TMEM127: variants seen among roughly 807,000 people sequenced by gnomAD.
The protein encoded by TMEM127 is transmembrane protein 127.
A neutral mutation model predicts 20.1 loss-of-function variants in TMEM127; 21 were observed. The ratio of observed to expected loss-of-function variants is 1.04; its 90% CI spans 0.74 to 1.50. The LOEUF is 1.50. Ranked by LOEUF, TMEM127 falls within the 40% of genes most tolerant of loss-of-function variation. The pLI, the probability that TMEM127 is intolerant of heterozygous loss-of-function variation, is 0.00. For missense variants in TMEM127, 303 were observed against 317.4 expected (o/e 0.95, Z 0.34); for synonymous variants, 150 against 144.7 (o/e 1.04, Z -0.26).
intron 2 of TMEM127, among the ~76,000 whole-genome samples, chr2:96,258,831 T>G (rs549882028): frequency 2.0e-5 from 3 of 152,278 alleles, no homozygotes; most frequent in Admixed American, 1.3e-4. Context: ...TTATAGTGCT[T>G]CCAAGAATAA....
At chr2:96,258,921 G>T (rs1684261397) in intron 2 of TMEM127, among the ~76,000 whole-genome samples, 1 of 152,152 alleles carries the variant, frequency 6.6e-6, no homozygotes, top group African/African-American at 2.4e-5. Context: ...GGCAGTTGGA[G>T]TAAGAAAAGT....
chr2:96,254,527 C>T (rs1048042005), intron 3 of TMEM127, among the ~76,000 whole-genome samples: 1 of 152,164 alleles, frequency 6.6e-6, no homozygotes, highest in Non-Finnish European at 1.5e-5. Context: ...CTGCCTGGTT[C>T]CTTCTTCACT....
chr2:96,264,416 A>T (rs1353625525), intron 2 of TMEM127, among the ~76,000 whole-genome samples: 3 of 152,240 alleles, frequency 2.0e-5, no homozygotes, highest in African/African-American at 4.8e-5. Context: ...TGTTTGGGGT[A>T]CATTGATCAT....
chr2:96,254,757 C>A (rs761623490), intron 3 of TMEM127, 76 bp downstream of exon 3: 15 of 1,585,586 alleles, frequency 9.5e-6, no homozygotes, highest in Non-Finnish European at 1.3e-5. Flanking sequence ...AAACCAGAGC[C>A]CCCACCGGCA....
rs2104284850 is a variant in TMEM127 at position 96,254,033 on chromosome 2, G to A, written c.492C>T (p.Tyr164=). The A allele has an allele frequency of 1.2e-6, 2 of 1,614,130 alleles. No homozygotes were observed. Among genetic ancestry groups the A allele is most frequent in the Non-Finnish European group, 1.7e-6 (2 of 1,180,020 alleles). ...ILAQQQQHKK[Y]HGSQVYVTFA... is the part of the protein sequence containing the mutation. ...AGGTGACATAGACCTGGGATCCATG[G>A]TACTTCTTATGCTGCTGCTGCTGGG... is the stretch of plus-strand genomic sequence containing the variant. Residue 164 remains tyrosine (Y), a synonymous_variant, in exon 4 of 4, where the codon TAC becomes TAT. Transcript: ENST00000258439.
intron 2 of TMEM127, 144 bp from the exon 3 acceptor site, chr2:96,255,141 G>T: frequency 8.5e-7 from 1 of 1,182,656 alleles, no homozygotes; most frequent in Non-Finnish European, 1.2e-6. Context: ...CCTGCTCCTG[G>T]GTGGTCTGCA....
At chr2:96,263,861 T>C (rs1157486713) in intron 2 of TMEM127, among the ~76,000 whole-genome samples, 1 of 152,076 alleles carries the variant, frequency 6.6e-6, no homozygotes, top group Admixed American at 6.5e-5. Flanking sequence ...TACAGGGCAA[T>C]GTGCTAAAAG....
chr2:96,254,789 C>A, intron 3 of TMEM127, 44 bp downstream of exon 3: 1 of 1,612,814 alleles, frequency 6.2e-7, no homozygotes, highest in Non-Finnish European at 8.5e-7. Context: ...ATGCCCCCAC[C>A]CTGTAGCAGT....
intron 2 of TMEM127, 137 bp downstream of exon 2, chr2:96,265,001 C>A (rs143229801): frequency 1.4e-6 from 2 of 1,421,528 alleles, no homozygotes; most frequent in Non-Finnish European, 1.9e-6. Context: ...AACAGAGCCA[C>A]CTGGTGGGCA....
rs1037278383 is a variant in TMEM127 at position 96,265,150 on chromosome 2, C to G, written c.232G>C (p.Asp78His). 1 of 1,611,986 alleles carries G rather than the reference C, an allele frequency of 6.2e-7. No individual in the cohort carries two copies. The highest frequency in any genetic ancestry group is 8.5e-7 in the Non-Finnish European group (1 of 1,179,716). The change falls in exon 2 of 4, where the codon GAC (aspartate) becomes CAC (histidine). Residue 78 changes from aspartate to histidine, a missense_variant. Physicochemically the swap from Asp to His is moderately conservative, Grantham distance 81 (BLOSUM62 -1). Coordinates refer to ENST00000258439, the MANE Select transcript of TMEM127 (RefSeq NM_017849.4). Reference sequence around the variant, plus strand: ...GCAGCACCCTCACCTTTCAGCAGGTCCGGGTGCACATAGCCCAACACGTCG... The same window carrying G: ...GCAGCACCCTCACCTTTCAGCAGGTGCGGGTGCACATAGCCCAACACGTCG... ...VSDVLGYVHP[D>H]LLKDFCMNPQ...
In TMEM127 at chr2:96,250,768, T is replaced by G. The variant is rs1316883156; in HGVS notation, c.*3040A>C. ...GGCCTGGCACTGCCCTACAGGAGGC[T>G]TACAGGTCACACTCCCAGAACTGTC... On this transcript the variant is annotated 3_prime_UTR_variant, in exon 4 of 4. Coordinates refer to ENST00000258439, the MANE Select transcript of TMEM127 (RefSeq NM_017849.4). The G allele has an allele frequency of 4.3e-6, 1 of 232,718 alleles. No homozygotes were observed. The highest frequency in any genetic ancestry group is 2.2e-5 in the African/African-American group (1 of 45,270). 14.4% of individuals were successfully genotyped at this position (232,718 alleles called of 1,614,324 possible).
intron 2 of TMEM127, among the ~76,000 whole-genome samples, chr2:96,263,184 A>C (rs1305724918): frequency 6.6e-6 from 1 of 151,170 alleles, no homozygotes; most frequent in Non-Finnish European, 1.5e-5. Context: ...CCTTCAGAGT[A>C]TCTGGGACTA....
At chr2:96,263,772 T>C (rs1323779230) in intron 2 of TMEM127, among the ~76,000 whole-genome samples, 1 of 152,170 alleles carries the variant, frequency 6.6e-6, no homozygotes, top group African/African-American at 2.4e-5. Context: ...CATGCAGTGC[T>C]AGATTTCGGA....
intron 2 of TMEM127, among the ~76,000 whole-genome samples, chr2:96,257,144 G>C (rs1225159623): frequency 6.6e-6 from 1 of 152,166 alleles, no homozygotes; most frequent in Non-Finnish European, 1.5e-5. Flanking sequence ...CAGTACTTTA[G>C]CCATTCTTTA....
At chr2:96,255,163 G>A (rs1254233578) in intron 2 of TMEM127, among the ~76,000 whole-genome samples, 166 bp from the exon 3 acceptor site, 1 of 152,228 alleles carries the variant, frequency 6.6e-6, no homozygotes, top group Admixed American at 6.5e-5. Flanking sequence ...GGTAGCTGGA[G>A]CAAATTCCAC....
rs1684151782 is a variant in TMEM127, at chr2:96,254,073, G to C, written c.452C>G (p.Ser151Cys). 1 of 1,614,164 alleles carries C rather than the reference G, an allele frequency of 6.2e-7. No individual in the cohort carries two copies. Among genetic ancestry groups the C allele is most frequent in the East Asian group, 2.2e-5 (1 of 44,886 alleles). ...CTGCTGCTGGGCCAAGATGAGTTCA[G>C]AAGCCCAATAAGAAAAGCCAATGAC... is the stretch of plus-strand genomic sequence containing the variant. The part of the protein sequence containing the change: ...ATVIGFSYWA[S>C]ELILAQQQQH... The change falls in exon 4 of 4, where the codon TCT becomes TGT. Residue 151 changes from serine (S) to cysteine (C), a missense_variant. Transcript: ENST00000258439.
chr2:96,254,904 A>G lies in TMEM127; in HGVS notation c.338T>C (p.Leu113Pro). ...GILCSLSAFL[L>P]DVFGPKHPAL... ...AGGATGCTTCGGCCCAAAGACATCCAGAAGGAAAGCGGAGAGACTACACAG... is the reference window on the plus strand; with the variant it reads ...AGGATGCTTCGGCCCAAAGACATCCGGAAGGAAAGCGGAGAGACTACACAG... Residue 113 changes from leucine to proline, a missense_variant, in exon 3 of 4, where the codon CTG becomes CCG. Transcript: ENST00000258439. The G allele has an allele frequency of 6.2e-7, 1 of 1,614,140 alleles. No homozygotes were observed. The highest frequency in any genetic ancestry group is 8.5e-7 in the Non-Finnish European group (1 of 1,179,996).
rs886056445 is a variant in TMEM127 at position 96,253,146 on chromosome 2, C to T, written c.*662G>A. ...TTGATAGGCACCAGGGGGCCTCAGT[C>T]TCACGCTGGCTCCTGCTCTCCTTGC... is the stretch of plus-strand genomic sequence containing the variant. On this transcript the variant is annotated 3_prime_UTR_variant, in exon 4 of 4. Transcript: ENST00000258439. The surrounding 1 kb of genome is among the most constrained non-coding windows in gnomAD (Gnocchi z 4.3). The T allele has an allele frequency of 8.6e-6, 2 of 233,622 alleles. No individual in the cohort carries two copies. The highest frequency in any genetic ancestry group is 1.8e-4 in the South Asian group (1 of 5,530). The allele number at this position is 233,622 out of a possible 1,614,324, so 14.5% of individuals were successfully genotyped here.
chr2:96,251,609 C>T lies in TMEM127; in HGVS notation c.*2199G>A, dbSNP rs1050763703. 4.3e-6 allele frequency: 1 copy of T among 232,794 alleles called. No individual in the cohort carries two copies. The highest frequency in any genetic ancestry group is 1.8e-4 in the South Asian group (1 of 5,522). 14.4% of individuals were successfully genotyped at this position (232,794 alleles called of 1,614,324 possible). ...AGGGAACAAACCAAATCAGGAAAAT[C>T]GTGACAGAAAAATGACAGGCAGCCA... is the stretch of plus-strand genomic sequence containing the variant. On this transcript the variant is annotated 3_prime_UTR_variant, in exon 4 of 4. Coordinates refer to ENST00000258439, the MANE Select transcript of TMEM127 (RefSeq NM_017849.4).
Sources: allele counts gnomAD v4.1 joint callset (sites outside exome capture counted in the v4.1 genomes callset), GRCh38; gene constraint gnomAD v4.1.1; non-coding constraint Gnocchi (gnomAD v3.1); transcripts MANE v1.5; gene names NCBI Gene and HGNC (gene_info 2026-07-23, HGNC 2026-07-21).